Variants in ARHGAP6 observed in about 807,000 individuals in gnomAD.
The protein encoded by ARHGAP6 is rho GTPase-activating protein 6.
ARHGAP6 carries 16 observed loss-of-function variants against 55.7 expected under a neutral mutation model. That is an observed-to-expected ratio of 0.29 (90% CI 0.19 to 0.44). ARHGAP6 has a LOEUF of 0.44. ARHGAP6 is among the 20% of genes least tolerant of loss of function. ARHGAP6 has a pLI of 1.00. For synonymous variants in ARHGAP6, 382 were observed against 360.9 expected (o/e 1.06, Z -0.66); for missense variants, 698 against 808.9 (o/e 0.86, Z 1.66).
intron 1 of ARHGAP6, among the ~76,000 whole-genome samples, chrX:11,341,745 C>T (rs2048709305): frequency 8.9e-6 from 1 of 112,097 alleles, no homozygotes; most frequent in African/African-American, 3.2e-5. Flanking sequence ...TGATCCACTT[C>T]CATTAGAACA....
chrX:11,411,206 TATATATATATATATATAA>T (rs1382265649), intron 1 of ARHGAP6, among the ~76,000 whole-genome samples: 1 of 79,362 alleles, frequency 1.3e-5, no homozygotes, highest in African/African-American at 5.1e-5. Flanking sequence ...TATATATATA[TATATATATATATATATAA>T]AATATACAAA....
chrX:11,578,538 T>A (rs2051628610), intron 1 of ARHGAP6, among the ~76,000 whole-genome samples: 1 of 111,776 alleles, frequency 8.9e-6, no homozygotes, highest in African/African-American at 3.3e-5. Context: ...CAATAGGTGC[T>A]GGAGAGGATG....
At chrX:11,540,980 G>A (rs929350142) in intron 1 of ARHGAP6, among the ~76,000 whole-genome samples, 2 of 112,482 alleles carry the variant, frequency 1.8e-5, no homozygotes, top group African/African-American at 3.2e-5. Flanking sequence ...TGAAAACAGC[G>A]TCCAGCTGTA....
At chrX:11,520,143 A>T (rs2050900414) in intron 1 of ARHGAP6, among the ~76,000 whole-genome samples, 1 of 57,526 alleles carries the variant, frequency 1.7e-5, no homozygotes, top group African/African-American at 6.6e-5. Context: ...ATATATATAT[A>T]TATATATATA....
At chrX:11,172,415 C>T (rs950128293) in intron 8 of ARHGAP6, among the ~76,000 whole-genome samples, 5 of 111,575 alleles carry the variant, frequency 4.5e-5, no homozygotes, top group East Asian at 5.6e-4. Flanking sequence ...AAATCAAATA[C>T]GTGTCATTTT....
At position 11,387,005 on chromosome X, in the gene ARHGAP6, C is replaced by G. The variant is rs142648329; in HGVS notation, c.589-132298G>C. On this transcript the variant is annotated intron_variant, in intron 1 of 12. Transcript: ENST00000337414. ...AGGTCATGGATTAAGTAGACTGATC[C>G]AGCAGTTTCCACGCCAAGTCCAAGT... Among the ~76,000 whole-genome samples, 359 of 112,120 alleles carry G rather than the reference C, an allele frequency of 3.2e-3. 1 individual carries two copies. Among genetic ancestry groups the G allele is most frequent in the Middle Eastern group, 0.018 (4 of 217 alleles).
intron 1 of ARHGAP6, among the ~76,000 whole-genome samples, chrX:11,322,365 T>A (rs1945129121): frequency 2.7e-5 from 3 of 109,539 alleles, no homozygotes; most frequent in East Asian, 5.7e-4. Context: ...GATAGCATAT[T>A]TTTCTTTTTT....
intron 10 of ARHGAP6, 141 bp from the exon 11 acceptor site, chrX:11,144,389 C>A: frequency 1.2e-6 from 1 of 836,743 alleles, no homozygotes; most frequent in Non-Finnish European, 1.7e-6. Flanking sequence ...GAGCAATGTT[C>A]CAAGACATGT....
chrX:11,183,937 T>C (rs1193584293), intron 5 of ARHGAP6, among the ~76,000 whole-genome samples: 2 of 112,255 alleles, frequency 1.8e-5, no homozygotes, highest in Non-Finnish European at 3.8e-5. Flanking sequence ...ATATTAATTC[T>C]TTCATTGGTG....
At chrX:11,661,137 T>C (rs1356681895) in intron 1 of ARHGAP6, among the ~76,000 whole-genome samples, 1 of 112,665 alleles carries the variant, frequency 8.9e-6, no homozygotes, top group African/African-American at 3.2e-5. Flanking sequence ...AGGTTAGCTA[T>C]GGACATAATC....
intron 1 of ARHGAP6, among the ~76,000 whole-genome samples, chrX:11,494,616 C>A (rs984843460): frequency 1.8e-5 from 2 of 112,383 alleles, no homozygotes; most frequent in Admixed American, 9.4e-5. Context: ...ACACATACTC[C>A]TAGTGGTCAG....
At chrX:11,246,351 T>C (rs1303109555) in intron 2 of ARHGAP6, among the ~76,000 whole-genome samples, 2 of 111,586 alleles carry the variant, frequency 1.8e-5, no homozygotes, top group Non-Finnish European at 3.8e-5. Flanking sequence ...AAACTGAGCA[T>C]GAAGTGAAGG....
At chrX:11,473,495 G>T (rs2050371030) in intron 1 of ARHGAP6, among the ~76,000 whole-genome samples, 1 of 111,683 alleles carries the variant, frequency 9.0e-6, no homozygotes, top group South Asian at 3.8e-4. Flanking sequence ...GACACATACA[G>T]ACACAAGCAC....
At chrX:11,198,823 T>TAGCCAAGTTA (rs1478130624) in intron 2 of ARHGAP6, among the ~76,000 whole-genome samples, 2 of 112,408 alleles carry the variant, frequency 1.8e-5, no homozygotes, top group Non-Finnish European at 3.8e-5. Context: ...ACATATCTAA[T>TAGCCAAGTTA]AGCCAAGTTA....
intron 5 of ARHGAP6, among the ~76,000 whole-genome samples, chrX:11,184,708 T>G (rs2046364719): frequency 8.9e-6 from 1 of 112,746 alleles, no homozygotes; most frequent in Non-Finnish European, 1.9e-5. Flanking sequence ...CTAAGTACTG[T>G]ATGCACATTA....
chrX:11,487,716 A>C (rs2050525368), intron 1 of ARHGAP6, among the ~76,000 whole-genome samples: 1 of 111,992 alleles, frequency 8.9e-6, no homozygotes, highest in South Asian at 3.7e-4. Flanking sequence ...TGAGCATCAA[A>C]ATAAATGAAA....
rs773193332 is a variant in ARHGAP6, at chrX:11,295,788, A to G, written c.589-41081T>C. ...GAGGGTATAGGACCTGACTAAAACC[A>G]TTCACATCCAGATGAGAGAGAATAA... On this transcript the variant is annotated intron_variant, in intron 1 of 12. Transcript: ENST00000337414. Among the ~76,000 whole-genome samples, 5 of 112,228 alleles carry G rather than the reference A, an allele frequency of 4.5e-5. No homozygotes were observed. In the East Asian group the frequency reaches 1.4e-3, roughly 31 times the overall value.
intron 1 of ARHGAP6, among the ~76,000 whole-genome samples, chrX:11,304,953 A>AT (rs759285360): frequency 3.7e-5 from 4 of 106,766 alleles, no homozygotes; most frequent in African/African-American, 1.0e-4. Flanking sequence ...TGCCTGGCTA[A>AT]TTTTTTTTGT....
intron 4 of ARHGAP6, among the ~76,000 whole-genome samples, chrX:11,187,071 G>C (rs1244639906): frequency 9.0e-6 from 1 of 111,215 alleles, no homozygotes; most frequent in African/African-American, 3.3e-5. Context: ...ATGCACCTTA[G>C]AGCTATCCCT....
Sources: gnomAD v4.1 joint callset for allele counts (sites outside exome capture counted in the v4.1 genomes callset) on GRCh38, gnomAD v4.1.1 for gene constraint, MANE v1.5 for transcripts, NCBI Gene and HGNC (gene_info 2026-07-23, HGNC 2026-07-21) for gene names.